TRPM3: variants seen among roughly 807,000 people sequenced by gnomAD.
TRPM3 encodes long transient receptor potential channel 3.
In TRPM3, 77 loss-of-function variants were observed where a neutral mutation model predicts 181.2. The observed-to-expected ratio is 0.42, with a 90% CI of 0.35 to 0.51. TRPM3 has a LOEUF of 0.51. Among genes scored for constraint, TRPM3 ranks in the 20% least tolerant of loss-of-function variants. The pLI is 0.01. For missense variants in TRPM3, 1,759 were observed against 2,196.7 expected, an observed-to-expected ratio of 0.80 and a Z score of 3.98; for synonymous variants, 745 against 796.4, an observed-to-expected ratio of 0.94 and a Z score of 1.09.
At chr9:71,032,087 ATAAT>A (rs2057535066) in intron 1 of TRPM3, among the ~76,000 whole-genome samples, 1 of 2,398 alleles carries the variant, frequency 4.2e-4, no homozygotes, top group African/African-American at 6.0e-3. Context: ...TTATATATAT[ATAAT>A]TATATAATAT....
intron 8 of TRPM3, among the ~76,000 whole-genome samples, chr9:70,691,027 A>G (rs2068382210): frequency 6.6e-6 from 1 of 152,206 alleles, no homozygotes; most frequent in South Asian, 2.1e-4. Context: ...TGGAGGAGGG[A>G]AGGAAATTGG....
chr9:70,770,107 AG>A (rs750874664), intron 7 of TRPM3, among the ~76,000 whole-genome samples: 32 of 142,810 alleles, frequency 2.2e-4, no homozygotes, highest in Non-Finnish European at 4.0e-4. Context: ...TTAAACTCAA[AG>A]GGTGTTTAGA....
Position 70,536,998 on chromosome 9 carries a change from C to G in TRPM3, c.4115G>C (p.Arg1372Thr). 6.2e-7 allele frequency: 1 copy of G among 1,610,138 alleles called. No homozygotes were observed. Among genetic ancestry groups the G allele is most frequent in the Non-Finnish European group, 8.5e-7 (1 of 1,176,834 alleles). The change falls in exon 26 of 26, where the codon AGG (arginine) becomes ACG (threonine). Residue 1372 changes from arginine (R) to threonine (T), a missense_variant. By Grantham distance (71) the Arg-to-Thr change is moderately conservative. Around this residue, in one of 8 missense-constraint regions of TRPM3, gnomAD observed 612 missense variants for 590.0 expected, o/e 1.04. Coordinates refer to ENST00000677713, the MANE Select transcript of TRPM3 (RefSeq NM_001366145.2). ...IEKLESIFKERSLSLHRATSS... is the reference protein window; with the variant it reads ...IEKLESIFKETSLSLHRATSS... The stretch of plus-strand genomic sequence containing the variant: ...AGTAGCCCGGTGTAGGCTCAGGGAC[C>G]TTTCTTTAAAAATACTTTCCAACTT...
chr9:71,004,464 T>G (rs1216005412), intron 1 of TRPM3, among the ~76,000 whole-genome samples: 4 of 152,178 alleles, frequency 2.6e-5, no homozygotes, highest in Admixed American at 2.6e-4. Context: ...AGCTCCAGTG[T>G]TAAGTAGTAA....
chr9:71,032,088 TAATTATATA>T (rs2057535869), intron 1 of TRPM3, among the ~76,000 whole-genome samples: 2 of 1,838 alleles, frequency 1.1e-3, no homozygotes, highest in Admixed American at 0.029. Context: ...TATATATATA[TAATTATATA>T]ATATTATATA....
At chr9:71,373,103 C>G (rs975228630) in intron 1 of TRPM3, among the ~76,000 whole-genome samples, 3 of 152,120 alleles carry the variant, frequency 2.0e-5, no homozygotes, top group Admixed American at 6.5e-5. Flanking sequence ...GTACCAGAGT[C>G]TCCGGGATGT....
chr9:71,340,113 G>A (rs965719642), intron 1 of TRPM3, among the ~76,000 whole-genome samples: 8 of 152,140 alleles, frequency 5.3e-5, no homozygotes, highest in African/African-American at 1.9e-4. Context: ...GCATGGTTTA[G>A]CATTTCTGCA....
At chr9:71,303,880 G>C (rs985507660) in intron 1 of TRPM3, among the ~76,000 whole-genome samples, 3 of 151,732 alleles carry the variant, frequency 2.0e-5, no homozygotes, top group African/African-American at 7.3e-5. Flanking sequence ...TTCAAGATTT[G>C]TTTCTGTGAA....
At chr9:71,148,561 C>T (rs1298702268) in intron 1 of TRPM3, among the ~76,000 whole-genome samples, 1 of 152,100 alleles carries the variant, frequency 6.6e-6, no homozygotes, top group Non-Finnish European at 1.5e-5. Context: ...ACAGCCAGTG[C>T]ATGAAAGACT....
chr9:71,316,539 C>T (rs2088608045), intron 1 of TRPM3, among the ~76,000 whole-genome samples: 1 of 152,048 alleles, frequency 6.6e-6, no homozygotes, highest in South Asian at 2.1e-4. Flanking sequence ...TAAAAGAACC[C>T]TTCTGTCTGA....
chr9:70,942,106 A>T (rs971245041), intron 1 of TRPM3, among the ~76,000 whole-genome samples: 1 of 152,184 alleles, frequency 6.6e-6, no homozygotes, highest in Non-Finnish European at 1.5e-5. Context: ...GGTTAGCAAG[A>T]ACTTGCAGGA....
chr9:70,777,265 T>C (rs1219078165), intron 7 of TRPM3, among the ~76,000 whole-genome samples: 1 of 152,156 alleles, frequency 6.6e-6, no homozygotes, highest in Non-Finnish European at 1.5e-5. Flanking sequence ...AGAGTTTTGC[T>C]CAACTCTTTA....
At chr9:70,666,819 GT>G (rs987562807) in intron 9 of TRPM3, among the ~76,000 whole-genome samples, 7 of 135,856 alleles carry the variant, frequency 5.2e-5, no homozygotes, top group Admixed American at 4.3e-4. Context: ...TTATTGCATT[GT>G]TTTTTTATCC....
chr9:71,415,084 G>C (rs1369902121), intron 1 of TRPM3, among the ~76,000 whole-genome samples: 1 of 152,056 alleles, frequency 6.6e-6, no homozygotes, highest in African/African-American at 2.4e-5. Flanking sequence ...CATTGTAAGA[G>C]AGAAGCAGAA....
chr9:71,353,793 T>C (rs1041497035), intron 1 of TRPM3, among the ~76,000 whole-genome samples: 5 of 152,208 alleles, frequency 3.3e-5, no homozygotes, highest in Non-Finnish European at 5.9e-5. Flanking sequence ...GGGCTGCATA[T>C]TCTTCATGAA....
Position 70,811,416 on chromosome 9 carries a change from G to T in TRPM3, c.973+16431C>A, listed in dbSNP as rs542004429. 1.1e-3 allele frequency among the ~76,000 whole-genome samples: 172 copies of T among 152,254 alleles called. 1 individual carries two copies. Among genetic ancestry groups the T allele is most frequent in the African/African-American group, 3.9e-3 (162 of 41,536 alleles). On this transcript the variant is annotated intron_variant, in intron 6 of 25. Coordinates refer to ENST00000677713, the MANE Select transcript of TRPM3 (RefSeq NM_001366145.2). ...AGCCCTTCTGCACCAGCTATATCTTGTCTTATCACTCCTTCAACTGGACAG... is the reference window on the plus strand; with the variant it reads ...AGCCCTTCTGCACCAGCTATATCTTTTCTTATCACTCCTTCAACTGGACAG...
chr9:70,782,313 G>A (rs760374750), intron 7 of TRPM3, among the ~76,000 whole-genome samples: 1 of 151,870 alleles, frequency 6.6e-6, no homozygotes, highest in Non-Finnish European at 1.5e-5. Flanking sequence ...CTGGGTTCAA[G>A]CGATTATCCT....
At chr9:71,413,995 G>C (rs541615126) in intron 1 of TRPM3, among the ~76,000 whole-genome samples, 2 of 151,868 alleles carry the variant, frequency 1.3e-5, no homozygotes, top group Admixed American at 6.6e-5. Flanking sequence ...GGCTTCCCAA[G>C]CATGACTCTT....
At position 71,283,678 on chromosome 9, in the gene TRPM3, G is replaced by A. The variant is rs112629108; in HGVS notation, c.183+162975C>T. ...TTTGTTTATCCATTCATCTGTTGGT[G>A]GGCACTTGGGTATCACAAATAATGC... is the stretch of plus-strand genomic sequence containing the variant. On this transcript the variant is annotated intron_variant, in intron 1 of 24. Transcript: ENST00000357533. 8.8e-3 allele frequency among the ~76,000 whole-genome samples: 1,346 copies of A among 152,218 alleles called. 27 individuals are homozygous for A. Among genetic ancestry groups the A allele is most frequent in the African/African-American group, 0.031 (1,287 of 41,504 alleles).
Sources: gnomAD v4.1 joint callset for allele counts (sites outside exome capture counted in the v4.1 genomes callset) on GRCh38, gnomAD v4.1.1 for gene constraint, gnomAD v4.1.1 regional missense constraint, MANE v1.5 for transcripts, NCBI Gene and HGNC (gene_info 2026-07-23, HGNC 2026-07-21) for gene names.